The following TNIK variants were observed in gnomAD, a reference collection of about 807,000 sequenced individuals.
TNIK encodes TRAF2 and NCK interacting kinase.
A neutral mutation model predicts 191.3 loss-of-function variants in TNIK; 49 were observed. The ratio of observed to expected loss-of-function variants is 0.26; its 90% confidence interval spans 0.20 to 0.32. TNIK has a LOEUF of 0.32. Ranked by LOEUF, TNIK falls within the 10% of genes least tolerant of loss-of-function variation. The pLI is 1.00. For synonymous variants in TNIK, 594 were observed against 600.9 expected (o/e 0.99, Z 0.17); for missense variants, 1,155 against 1,702.3 (o/e 0.68, Z 5.66).
chr3:171,155,689 G>A (rs754621930), intron 12 of TNIK, among the ~76,000 whole-genome samples: 62 of 152,238 alleles, frequency 4.1e-4, no homozygotes, highest in Non-Finnish European at 6.3e-4. Context: ...GACTGGGAGC[G>A]TGAGACAGAA....
At chr3:171,148,230 C>T (rs1436026108) in intron 12 of TNIK, among the ~76,000 whole-genome samples, 3 of 152,218 alleles carry the variant, frequency 2.0e-5, no homozygotes, top group Non-Finnish European at 4.4e-5. Context: ...TAAGCACTGT[C>T]AAGCACATGT....
chr3:171,084,129 A>C, intron 26 of TNIK, 26 bp downstream of exon 26: 1 of 1,476,296 alleles, frequency 6.8e-7, no homozygotes, highest in Non-Finnish European at 9.0e-7. Flanking sequence ...TATTTAAAAA[A>C]AAAAAAAAAA....
intron 2 of TNIK, among the ~76,000 whole-genome samples, chr3:171,233,426 TTCTA>T (rs773900047): frequency 1.1e-3 from 162 of 152,164 alleles, no homozygotes; most frequent in Middle Eastern, 3.4e-3. Context: ...CCTGTTCTTA[TTCTA>T]TCTGTCTGTC....
In TNIK at chr3:171,460,319, G is replaced by C. The variant is rs1283466063; in HGVS notation, c.-256C>G. On this transcript the variant is annotated 5_prime_UTR_variant, in exon 1 of 33. Transcript: ENST00000436636. The surrounding 1 kb of genome is among the most constrained non-coding windows in gnomAD (Gnocchi z 6.8). Reference sequence around the variant, plus strand: ...TGCGTGTGGGCTGAGCGCCCCGATCGGCTAAGGGCGCTGGGGCTGCGTGGG... The same window carrying C: ...TGCGTGTGGGCTGAGCGCCCCGATCCGCTAAGGGCGCTGGGGCTGCGTGGG... 5.3e-6 allele frequency: 3 copies of C among 570,680 alleles called. No homozygotes were observed. Among genetic ancestry groups the C allele is most frequent in the East Asian group, 3.0e-5 (1 of 33,168 alleles). 35.4% of individuals were successfully genotyped at this position (570,680 alleles called of 1,614,324 possible).
At chr3:171,237,025 A>G (rs1467632673) in intron 2 of TNIK, among the ~76,000 whole-genome samples, 1 of 152,200 alleles carries the variant, frequency 6.6e-6, no homozygotes, top group African/African-American at 2.4e-5. Flanking sequence ...CAGTCCACCC[A>G]CAGTCCTGTC....
At chr3:171,141,704 C>T (rs969482677) in intron 12 of TNIK, among the ~76,000 whole-genome samples, 2 of 152,228 alleles carry the variant, frequency 1.3e-5, no homozygotes, top group African/African-American at 2.4e-5. Context: ...AGTCTTTTCC[C>T]ATACATCATG....
chr3:171,084,704 G>A (rs1721122409), intron 25 of TNIK, among the ~76,000 whole-genome samples: 1 of 152,168 alleles, frequency 6.6e-6, no homozygotes, highest in African/African-American at 2.4e-5. Flanking sequence ...AGATTAGAAA[G>A]CAAGACTCCT....
intron 2 of TNIK, among the ~76,000 whole-genome samples, chr3:171,261,916 GA>G (rs1239256799): frequency 7.9e-5 from 12 of 152,206 alleles, no homozygotes; most frequent in African/African-American, 2.9e-4. Context: ...CCTCTGTGAA[GA>G]GGTGACATTT....
intron 2 of TNIK, among the ~76,000 whole-genome samples, chr3:171,357,610 G>A (rs1401402953): frequency 6.7e-6 from 1 of 148,392 alleles, no homozygotes; most frequent in Non-Finnish European, 1.5e-5. Context: ...TGGTACTAGA[G>A]AAACAGTAAG....
intron 7 of TNIK, among the ~76,000 whole-genome samples, chr3:171,180,480 G>A (rs1021025758): frequency 7.2e-5 from 11 of 152,154 alleles, no homozygotes; most frequent in African/African-American, 2.4e-4. Flanking sequence ...AGAGCCACAG[G>A]GCAAGGATCT....
intron 4 of TNIK, among the ~76,000 whole-genome samples, chr3:171,203,539 C>A (rs1286945441): frequency 6.6e-6 from 1 of 152,104 alleles, no homozygotes; most frequent in Non-Finnish European, 1.5e-5. Context: ...TTTTATTTTT[C>A]AAAACTTTTC....
In TNIK at chr3:171,140,426, C is replaced by T. The variant is rs764651768; in HGVS notation, c.1305G>A (p.Glu435=). 1.9e-6 allele frequency: 3 copies of T among 1,607,014 alleles called. No homozygotes were observed. The highest frequency in any genetic ancestry group is 1.7e-6 in the Non-Finnish European group (2 of 1,176,730). Residue 435 remains glutamate, a synonymous_variant, in exon 13 of 33, where the codon GAG becomes GAA. Transcript: ENST00000436636. ...RHYEEQMRRE[E]ERRRAEHEQE... ...GTTCATGCTCCGCACGCCTCCTCTC[C>T]TCCTCCCGGCGCATCTGCTCCTCAT... is the stretch of plus-strand genomic sequence containing the variant.
At position 171,108,117 on chromosome 3, in the gene TNIK, G is replaced by A; in HGVS notation, c.2330C>T (p.Ala777Val). The change falls in exon 20 of 33, where the codon GCG becomes GTG. Residue 777 changes from alanine (A) to valine (V), a missense_variant. Physicochemically the swap from Ala to Val is moderately conservative, Grantham distance 64. This residue lies in a region of TNIK where 735 missense variants were observed against 848.0 expected (regional missense o/e 0.87). Coordinates refer to ENST00000436636, the MANE Select transcript of TNIK (RefSeq NM_015028.4). ...CCTGGATTCTTCTGGTTTCACCTTCGCAGGCTCATGGGGGAGCACAGGTGA... is the reference window on the plus strand; with the variant it reads ...CCTGGATTCTTCTGGTTTCACCTTCACAGGCTCATGGGGGAGCACAGGTGA... ...EGSPVLPHEP[A>V]KVKPEESRDI... 1.3e-6 allele frequency: 2 copies of A among 1,576,954 alleles called. No homozygotes were observed. Among genetic ancestry groups the A allele is most frequent in the Non-Finnish European group, 1.7e-6 (2 of 1,160,170 alleles).
chr3:171,381,258 G>A (rs960937360), intron 1 of TNIK, among the ~76,000 whole-genome samples: 1 of 152,170 alleles, frequency 6.6e-6, no homozygotes, highest in Non-Finnish European at 1.5e-5. Flanking sequence ...TTCCATGGGT[G>A]TTGAATTTCC....
At chr3:171,150,794 G>A (rs2108680288) in intron 12 of TNIK, among the ~76,000 whole-genome samples, 1 of 152,168 alleles carries the variant, frequency 6.6e-6, no homozygotes, top group African/African-American at 2.4e-5. Flanking sequence ...CAGATAAACA[G>A]CCCAGTAAGA....
intron 2 of TNIK, among the ~76,000 whole-genome samples, chr3:171,346,486 G>A (rs753370001): frequency 6.6e-6 from 1 of 152,100 alleles, no homozygotes; most frequent in Non-Finnish European, 1.5e-5. Context: ...TCTTTGGTAG[G>A]TCTGTGCTAG....
chr3:171,286,389 C>A (rs551806871), intron 2 of TNIK, among the ~76,000 whole-genome samples: 14 of 152,292 alleles, frequency 9.2e-5, no homozygotes, highest in African/African-American at 2.9e-4. Flanking sequence ...TACTTCTCCA[C>A]AATTTAAGTC....
intron 9 of TNIK, among the ~76,000 whole-genome samples, chr3:171,174,659 T>C (rs1026114317): frequency 1.3e-5 from 2 of 152,200 alleles, no homozygotes; most frequent in African/African-American, 4.8e-5. Flanking sequence ...CTAGTATTCA[T>C]GTAGTAGTTT....
chr3:171,301,429 C>T (rs560309500), intron 2 of TNIK, among the ~76,000 whole-genome samples: 2 of 152,094 alleles, frequency 1.3e-5, no homozygotes, highest in South Asian at 4.2e-4. Flanking sequence ...ATTCTGCTGC[C>T]TCAGCCTCCC....
Sources: allele counts gnomAD v4.1 joint callset (sites outside exome capture counted in the v4.1 genomes callset), GRCh38; gene constraint gnomAD v4.1.1; regional missense constraint gnomAD v4.1.1; non-coding constraint Gnocchi (gnomAD v3.1); transcripts MANE v1.5; gene names NCBI Gene and HGNC (gene_info 2026-07-23, HGNC 2026-07-21).